Variants in SGCZ observed in about 807,000 individuals in gnomAD.
SGCZ encodes sarcoglycan zeta, also known as zeta-sarcoglycan.
In SGCZ, 40 loss-of-function variants were observed where a neutral mutation model predicts 41.3. The observed-to-expected ratio is 0.97, with a 90% CI of 0.75 to 1.26. The LOEUF (loss-of-function observed/expected upper bound fraction) is 1.26, where lower values mean the gene tolerates loss of function less well. SGCZ is among the 50% of genes most tolerant of loss of function. SGCZ has a pLI of 0.00. For missense variants in SGCZ, 552 were observed against 369.8 expected (o/e 1.49, Z -4.04); for synonymous variants, 206 against 137.5 (o/e 1.50, Z -3.49).
At chr8:14,523,717 T>A (rs1802857535) in intron 2 of SGCZ, among the ~76,000 whole-genome samples, 1 of 152,126 alleles carries the variant, frequency 6.6e-6, no homozygotes, top group Admixed American at 6.6e-5. Flanking sequence ...GTTTTTTGTT[T>A]GTTTTTGTTT....
At chr8:14,120,003 G>A (rs898447297) in intron 5 of SGCZ, among the ~76,000 whole-genome samples, 8 of 152,152 alleles carry the variant, frequency 5.3e-5, no homozygotes, top group African/African-American at 1.9e-4. Flanking sequence ...TGCTCATCAG[G>A]GATACTGGCC....
At chr8:15,031,645 G>A (rs544856636) in intron 1 of SGCZ, among the ~76,000 whole-genome samples, 2 of 152,228 alleles carry the variant, frequency 1.3e-5, no homozygotes, top group African/African-American at 2.4e-5. Flanking sequence ...CAACTCCAGG[G>A]GAAGCGCTCT....
intron 1 of SGCZ, among the ~76,000 whole-genome samples, chr8:14,874,283 T>C (rs939033891): frequency 6.6e-6 from 1 of 152,172 alleles, no homozygotes; most frequent in Non-Finnish European, 1.5e-5. Flanking sequence ...CTGTACTGTT[T>C]AATTAGACAT....
At chr8:14,411,609 G>A (rs774019678) in intron 2 of SGCZ, among the ~76,000 whole-genome samples, 3 of 152,046 alleles carry the variant, frequency 2.0e-5, no homozygotes, top group Non-Finnish European at 2.9e-5. Flanking sequence ...GAGGGTATGA[G>A]CCATATTTAT....
chr8:14,642,199 G>C (rs1322811310), intron 1 of SGCZ, among the ~76,000 whole-genome samples: 3 of 151,592 alleles, frequency 2.0e-5, no homozygotes, highest in Non-Finnish European at 4.4e-5. Flanking sequence ...CCTCTTTTAG[G>C]ATGGGAAGAA....
intron 5 of SGCZ, among the ~76,000 whole-genome samples, chr8:14,129,783 A>G (rs796107154): frequency 1.3e-5 from 2 of 152,266 alleles, no homozygotes; most frequent in East Asian, 3.9e-4. Flanking sequence ...TTTGACAAAA[A>G]AGGTTAACAG....
chr8:14,651,277 TAA>T (rs1807389759), intron 1 of SGCZ, among the ~76,000 whole-genome samples: 1 of 152,096 alleles, frequency 6.6e-6, no homozygotes, highest in African/African-American at 2.4e-5. Flanking sequence ...TATGAAACAT[TAA>T]GAGGGCATTT....
chr8:14,476,719 T>C (rs1180229661), intron 2 of SGCZ, among the ~76,000 whole-genome samples: 1 of 152,198 alleles, frequency 6.6e-6, no homozygotes, highest in Non-Finnish European at 1.5e-5. Context: ...GTGAGATAGC[T>C]ATTAAGATTC....
chr8:14,442,366 C>T (rs184773124), intron 2 of SGCZ, among the ~76,000 whole-genome samples: 4 of 152,312 alleles, frequency 2.6e-5, no homozygotes, highest in Non-Finnish European at 4.4e-5. Flanking sequence ...AGTGACTTTG[C>T]TCCTCCTTTA....
intron 1 of SGCZ, among the ~76,000 whole-genome samples, chr8:14,904,995 A>G (rs1265054607): frequency 6.6e-6 from 1 of 152,010 alleles, no homozygotes; most frequent in Non-Finnish European, 1.5e-5. Flanking sequence ...CTTGCCTAAC[A>G]CAAAAATTAA....
At chr8:14,865,318 T>G (rs1431778345) in intron 1 of SGCZ, among the ~76,000 whole-genome samples, 1 of 151,932 alleles carries the variant, frequency 6.6e-6, no homozygotes. Context: ...TTCATAATTG[T>G]CCTGGGTTCT....
chr8:14,670,301 A>G (rs1808062476), intron 1 of SGCZ, among the ~76,000 whole-genome samples: 1 of 112,716 alleles, frequency 8.9e-6, no homozygotes, highest in Non-Finnish European at 1.7e-5. Flanking sequence ...AGCATAAACA[A>G]CTATTTACTA....
At chr8:14,909,551 AT>A (rs1486280519) in intron 1 of SGCZ, among the ~76,000 whole-genome samples, 1 of 152,060 alleles carries the variant, frequency 6.6e-6, no homozygotes, top group African/African-American at 2.4e-5. Flanking sequence ...ACGTCATACT[AT>A]TTTTTAGTAA....
At chr8:14,203,157 C>T (rs1034968623) in intron 4 of SGCZ, among the ~76,000 whole-genome samples, 3 of 152,130 alleles carry the variant, frequency 2.0e-5, no homozygotes, top group Non-Finnish European at 4.4e-5. Flanking sequence ...TGTAAATTGC[C>T]CAGTCCCAGA....
intron 4 of SGCZ, among the ~76,000 whole-genome samples, chr8:14,219,564 T>A (rs977173127): frequency 3.6e-4 from 55 of 152,122 alleles, no homozygotes; most frequent in African/African-American, 1.2e-3. Flanking sequence ...CTGGCCAACA[T>A]GATGAAACCC....
intron 3 of SGCZ, among the ~76,000 whole-genome samples, chr8:14,266,342 T>G (rs1030280193): frequency 1.1e-4 from 16 of 152,112 alleles, no homozygotes; most frequent in African/African-American, 3.9e-4. Context: ...TGAAATACAT[T>G]GGAATCAATA....
intron 1 of SGCZ, among the ~76,000 whole-genome samples, chr8:15,111,865 A>G (rs1301764866): frequency 6.7e-6 from 1 of 148,902 alleles, no homozygotes; most frequent in African/African-American, 2.5e-5. Context: ...ACACCACCGC[A>G]CTCCAGCCTG....
intron 2 of SGCZ, among the ~76,000 whole-genome samples, chr8:14,471,265 T>A (rs146782310): frequency 2.0e-5 from 3 of 152,254 alleles, no homozygotes; most frequent in African/African-American, 7.2e-5. Context: ...ACTCATGTAG[T>A]GTACTCATTA....
Position 14,090,683 on chromosome 8 carries a change from G to A in SGCZ, c.745-46C>T, listed in dbSNP as rs73520324. On this transcript the variant is annotated intron_variant, in intron 7 of 7. Coordinates refer to ENST00000382080, the MANE Select transcript of SGCZ (RefSeq NM_139167.4). ...CATTTTAATTCATTTTAGAAATGTA[G>A]CATCGAGTAATCTACATCCCTCCTC... 6,537 of 1,538,102 alleles carry A rather than the reference G, an allele frequency of 4.3e-3. 241 individuals carry two copies. In the African/African-American group the frequency reaches 0.078, roughly 18 times the overall value.
Sources: gnomAD v4.1 joint callset for allele counts (sites outside exome capture counted in the v4.1 genomes callset) on GRCh38, gnomAD v4.1.1 for gene constraint, MANE v1.5 for transcripts, NCBI Gene and HGNC (gene_info 2026-07-23, HGNC 2026-07-21) for gene names.